BCAR1: variants seen among roughly 807,000 people sequenced by gnomAD.
The protein encoded by BCAR1 is breast cancer anti-estrogen resistance protein 1.
In BCAR1, 30 loss-of-function variants were observed where a neutral mutation model predicts 67.6. That is an observed-to-expected ratio of 0.44 (90% CI 0.33 to 0.60). BCAR1 has a LOEUF of 0.60. Among genes scored for constraint, BCAR1 ranks in the 20% least tolerant of loss-of-function variants. The pLI, the probability that BCAR1 is intolerant of heterozygous loss-of-function variation, is 0.02. For missense variants in BCAR1, 1,313 were observed against 1,222.3 expected (o/e 1.07, Z -1.11); for synonymous variants, 626 against 556.7 (o/e 1.12, Z -1.75).
intron 1 of BCAR1, chr16:75,250,612 C>T (rs2077650650): frequency 1.5e-5 from 15 of 983,824 alleles, no homozygotes; most frequent in Non-Finnish European, 1.8e-5. Flanking sequence ...ATCTTCCAGG[C>T]CGTAAGCCCC....
chr16:75,251,411 C>A, intron 1 of BCAR1, 60 bp downstream of exon 1: 1 of 1,477,914 alleles, frequency 6.8e-7, no homozygotes, highest in Non-Finnish European at 9.0e-7. Context: ...CGCTTAACCC[C>A]TTCCAGCCCG....
intron 2 of BCAR1, among the ~76,000 whole-genome samples, chr16:75,242,217 T>G (rs2077365221): frequency 6.6e-6 from 1 of 152,240 alleles, no homozygotes; most frequent in Non-Finnish European, 1.5e-5. Context: ...CTGCTCCCTG[T>G]GGTTGGTGAC....
Position 75,242,858 on chromosome 16 carries a change from G to C in BCAR1, c.245C>G (p.Pro82Arg). 6.2e-7 allele frequency: 1 copy of C among 1,609,174 alleles called. No homozygotes were observed. The stretch of plus-strand genomic sequence containing the variant: ...ATGGAGGCCAGGCTGAGGCTGGGCC[G>C]GGGTGGCGGGAGGGCCGGGGCCAGG... ...AGPGPGPPAT[P>R]AQPQPGLHAP... The change falls in exon 2 of 7, where the codon CCG (proline) becomes CGG (arginine). Residue 82 changes from proline to arginine, a missense_variant. Transcript: ENST00000162330.
At chr16:75,252,345 C>G, upstream of BCAR1, 1 of 1,532,980 alleles carries the variant, frequency 6.5e-7, no homozygotes, top group Non-Finnish European at 8.7e-7. Context: ...CTAGTACCCT[C>G]CTGAGTCCTG....
chr16:75,233,870 G>T lies in BCAR1; in HGVS notation c.2076C>A (p.Gly692=), dbSNP rs768806347. ...LLEKGSITRQ[G]KSQLELQQLK... is the part of the protein sequence containing the mutation. Reference sequence around the variant, plus strand: ...CCTGCTGCAACTCCAGCTGGCTCTTGCCCTGCCGCGTGATGCTGCCCTTTT... The same window carrying T: ...CCTGCTGCAACTCCAGCTGGCTCTTTCCCTGCCGCGTGATGCTGCCCTTTT... The change falls in exon 6 of 7, where the codon GGC becomes GGA. Residue 692 remains glycine, a synonymous_variant. Transcript: ENST00000162330. The T allele has an allele frequency of 1.2e-6, 2 of 1,609,266 alleles. No individual in the cohort carries two copies. Among genetic ancestry groups the T allele is most frequent in the Admixed American group, 3.4e-5 (2 of 59,388 alleles).
chr16:75,266,652 G>T, intron 1 of BCAR1: 5 of 1,180,404 alleles, frequency 4.2e-6, no homozygotes, highest in Non-Finnish European at 5.4e-6. Flanking sequence ...CTCCACTCCT[G>T]CCAGGCAGGC....
Position 75,237,328 on chromosome 16 carries a change from C to T in BCAR1, c.650G>A (p.Arg217His), listed in dbSNP as rs747374409. Residue 217 changes from arginine to histidine, a missense_variant, in exon 3 of 7, where the codon CGC becomes CAC. By Grantham distance (29) the Arg-to-His change is conservative. Around this residue, in one of 2 missense-constraint regions of BCAR1, gnomAD observed 1,272 missense variants for 1,137.5 expected, o/e 1.12. Transcript: ENST00000162330. Reference sequence around the variant, plus strand: ...CTCGTATACATAGCCCTGCCCCACGCGGGTGGGCACCACCACCTGGGGGCA... The same window carrying T: ...CTCGTATACATAGCCCTGCCCCACGTGGGTGGGCACCACCACCTGGGGGCA... ...KPPAKVVVPT[R>H]VGQGYVYEAA... 60 of 1,468,888 alleles carry T rather than the reference C, an allele frequency of 4.1e-5. No homozygotes were observed. The Middle Eastern group carries it at 7.2e-4, about 18-fold the overall frequency. 91.0% of individuals were successfully genotyped at this position (1,468,888 alleles called of 1,614,324 possible).
chr16:75,250,584 G>A (rs771524598), intron 1 of BCAR1: 40 of 957,874 alleles, frequency 4.2e-5, no homozygotes, highest in Non-Finnish European at 4.7e-5. Flanking sequence ...TCCCCGATCT[G>A]GAACTCGAAA....
In BCAR1 at chr16:75,234,869, G is replaced by A. The variant is rs904667889; in HGVS notation, c.2010+20C>T. 4.6e-6 allele frequency: 7 copies of A among 1,521,090 alleles called. No individual in the cohort carries two copies. The highest frequency in any genetic ancestry group is 6.2e-6 in the Non-Finnish European group (7 of 1,133,672). 94.2% of individuals were successfully genotyped at this position (1,521,090 alleles called of 1,614,324 possible). ...CCAGCGTGGCAGAAGAGGAGCCGGG[G>A]CTGGGCAGGCGGCACCCACCTGTAG... is the stretch of plus-strand genomic sequence containing the variant. On this transcript the variant is annotated intron_variant, in intron 5 of 6. Coordinates refer to ENST00000162330, the MANE Select transcript of BCAR1 (RefSeq NM_014567.5).
chr16:75,238,635 G>A, intron 2 of BCAR1: 1 of 986,266 alleles, frequency 1.0e-6, no homozygotes, highest in Non-Finnish European at 1.2e-6. Context: ...TAGGTCTCCA[G>A]CACGCCTGGT....
intron 1 of BCAR1, 150 bp downstream of exon 1, chr16:75,251,321 C>A: frequency 8.9e-7 from 1 of 1,125,998 alleles, no homozygotes; most frequent in Non-Finnish European, 1.2e-6. Flanking sequence ...GGCTTCCCGG[C>A]CAGGGCAGAA....
intron 1 of BCAR1, among the ~76,000 whole-genome samples, chr16:75,244,318 C>T (rs1567610099): frequency 6.6e-6 from 1 of 152,254 alleles, no homozygotes; most frequent in Non-Finnish European, 1.5e-5. Context: ...TTTCTGGACT[C>T]CATCTGCAAG....
At chr16:75,252,132 C>G (rs2077695387), upstream of BCAR1, 2 of 1,457,902 alleles carry the variant, frequency 1.4e-6, no homozygotes, top group East Asian at 2.5e-5. Context: ...CACCACAGCT[C>G]CGACTGTAGA....
At chr16:75,257,197 G>A (rs1764923567) in intron 1 of BCAR1, among the ~76,000 whole-genome samples, 1 of 151,980 alleles carries the variant, frequency 6.6e-6, no homozygotes, top group Non-Finnish European at 1.5e-5. Flanking sequence ...ACCCAGCCCA[G>A]CCATCTGCTC....
At position 75,237,534 on chromosome 16, in the gene BCAR1, A is replaced by T. The variant is rs917561486; in HGVS notation, c.634-190T>A. ...CCTTCCTCTAGCAGAACGCAGTGCC[A>T]GGTACGGCAAGAACTCTGGGTTTTA... is the stretch of plus-strand genomic sequence containing the variant. On this transcript the variant is annotated intron_variant, in intron 2 of 6. Coordinates refer to ENST00000162330, the MANE Select transcript of BCAR1 (RefSeq NM_014567.5). 4 of 636,776 alleles carry T rather than the reference A, an allele frequency of 6.3e-6. No homozygotes were observed. The African/African-American group carries it at 7.7e-5, about 12-fold the overall frequency. The allele number at this position is 636,776 out of a possible 1,614,324, so 39.4% of individuals were successfully genotyped here. A position where few individuals can be genotyped will look rare whatever the true frequency, so the allele number is the denominator to read the frequency against.
intron 1 of BCAR1, chr16:75,248,223 G>A: frequency 6.5e-7 from 1 of 1,540,742 alleles, no homozygotes; most frequent in East Asian, 2.5e-5. Flanking sequence ...ACCACCAGAG[G>A]AAATGTCACA....
At chr16:75,248,325 C>G (rs944054551) in intron 1 of BCAR1, 2 of 1,363,880 alleles carry the variant, frequency 1.5e-6, no homozygotes, top group African/African-American at 2.9e-5. Flanking sequence ...TTGGGAAACA[C>G]TGACTTCTTT....
chr16:75,242,774 T>C lies in BCAR1; in HGVS notation c.329A>G (p.Gln110Arg). ...GGGCACCAGGTAGACGCTGTCTGGC[T>C]GGGGCTGGTAGGTGTTGGGGAGCAT... ...TPMLPNTYQP[Q>R]PDSVYLVPTP... The change falls in exon 2 of 7, where the codon CAG becomes CGG. Residue 110 changes from glutamine (Q) to arginine (R), a missense_variant. Gln to Arg is a conservative substitution (Grantham distance 43, BLOSUM62 1). Transcript: ENST00000162330. 1 of 1,597,802 alleles carries C rather than the reference T, an allele frequency of 6.3e-7. No individual in the cohort carries two copies. The highest frequency in any genetic ancestry group is 1.3e-5 in the African/African-American group (1 of 74,676).
chr16:75,236,931 T>C lies in BCAR1; in HGVS notation c.863A>G (p.Asp288Gly). The change falls in exon 4 of 7, where the codon GAC becomes GGC. Residue 288 changes from aspartate (D) to glycine (G), a missense_variant. Transcript: ENST00000162330. ...GCCCTTCTCCACACTGGGGGGCACG[T>C]CATACACCTCCAGCAACGGGTCTCG... ...NGRDPLLEVYDVPPSVEKGLP... is the reference protein window; with the variant it reads ...NGRDPLLEVYGVPPSVEKGLP... The C allele has an allele frequency of 6.2e-7, 1 of 1,612,738 alleles. No homozygotes were observed. The highest frequency in any genetic ancestry group is 8.5e-7 in the Non-Finnish European group (1 of 1,179,536).
Sources: gnomAD v4.1 joint callset for allele counts (sites outside exome capture counted in the v4.1 genomes callset) on GRCh38, gnomAD v4.1.1 for gene constraint, gnomAD v4.1.1 regional missense constraint, MANE v1.5 for transcripts, NCBI Gene and HGNC (gene_info 2026-07-23, HGNC 2026-07-21) for gene names.